MLH3: variants seen among roughly 807,000 people sequenced by gnomAD.
MLH3 encodes the protein mutL homolog 3, also known as DNA mismatch repair protein Mlh3.
MLH3 carries 82 observed loss-of-function variants against 122.2 expected under a neutral mutation model. That is an observed-to-expected ratio of 0.67 (90% CI 0.56 to 0.81). MLH3 has a LOEUF of 0.81. Among genes scored for constraint, MLH3 ranks in the 30% least tolerant of loss-of-function variants. The pLI is 0.00. For synonymous variants in MLH3, 524 were observed against 599.5 expected, an observed-to-expected ratio of 0.87 and a Z score of 1.84; for missense variants, 1,539 against 1,714.5, an observed-to-expected ratio of 0.90 and a Z score of 1.81.
chr14:75,038,030 G>T (rs987471198), intron 6 of MLH3, among the ~76,000 whole-genome samples: 1 of 152,168 alleles, frequency 6.6e-6, no homozygotes, highest in African/African-American at 2.4e-5. Flanking sequence ...CTCCTGAGTA[G>T]CTGGGACTAC....
intron 6 of MLH3, among the ~76,000 whole-genome samples, chr14:75,035,062 C>CAAAAAAAAAAAAAAA (rs36096670): frequency 2.9e-3 from 115 of 40,140 alleles, no homozygotes; most frequent in Non-Finnish European, 3.1e-3. Context: ...GACTCCATCT[C>CAAAAAAAAAAAAAAA]AAAAAAAAAA....
chr14:75,041,764 T>TCCC, intron 3 of MLH3, 64 bp from the exon 4 acceptor site: 2 of 1,205,492 alleles, frequency 1.7e-6, no homozygotes, highest in Non-Finnish European at 2.5e-6. Flanking sequence ...GGAATGGCAT[T>TCCC]TCCTGTTTGG....
At chr14:75,042,799 G>A (rs865852868) in intron 2 of MLH3, among the ~76,000 whole-genome samples, 11 of 150,156 alleles carry the variant, frequency 7.3e-5, no homozygotes, top group Admixed American at 1.3e-4. Flanking sequence ...TTTTTGAGAC[G>A]GCGTCTCGCT....
At chr14:75,041,105 T>TAGTG (rs1891824281) in intron 4 of MLH3, among the ~76,000 whole-genome samples, 1 of 152,188 alleles carries the variant, frequency 6.6e-6, no homozygotes, top group Admixed American at 6.5e-5. Flanking sequence ...GCCCAGGCTA[T>TAGTG]AGTGTGCAGT....
intron 3 of MLH3, 66 bp downstream of exon 3, chr14:75,042,313 G>A (rs1891908827): frequency 1.5e-6 from 2 of 1,370,302 alleles, no homozygotes; most frequent in Admixed American, 1.7e-5. Flanking sequence ...ATGCAAGCCT[G>A]CTTTGTTTTT....
chr14:75,049,299 A>C lies in MLH3; in HGVS notation c.357T>G (p.Thr119=). The C allele has an allele frequency of 6.2e-7, 1 of 1,614,192 alleles. No individual in the cohort carries two copies. Among genetic ancestry groups the C allele is most frequent in the Non-Finnish European group, 8.5e-7 (1 of 1,180,028 alleles). Residue 119 remains threonine, a synonymous_variant, in exon 2 of 13, where the codon ACT becomes ACG. Transcript: ENST00000355774. ...TTCCACTCTGAAACAGTTTCACAAA[A>C]GTTTTCATTGTCCTGTTTTTCTTGG... The part of the protein sequence containing the change: ...ISSKKNRTMK[T]FVKLFQSGKA...
In MLH3 at chr14:75,041,696, A is replaced by G. The variant is rs370951929; in HGVS notation, c.3384T>C (p.Thr1128=). ...ATTCGCTACTAACAGTATCATCCAC[A>G]GTATCTAGGGCAAAAGGGAACAGGT... ...RTVMRQDNRD[T]VDDTVSSESL... The change falls in exon 4 of 13, where the codon ACT becomes ACC. Residue 1128 remains threonine, a synonymous_variant. Transcript: ENST00000355774. 51 of 1,612,548 alleles carry G rather than the reference A, an allele frequency of 3.2e-5. No homozygotes were observed. Among genetic ancestry groups the G allele is most frequent in the Non-Finnish European group, 3.5e-5 (41 of 1,178,620 alleles).
Position 75,030,528 on chromosome 14 carries a change from G to A in MLH3, c.3987+15C>T, listed in dbSNP as rs117251698. ...TCACTCAGCAATTTCCTTAACATCT[G>A]CAGCTGTGTCTTACCTCCACAATAC... On this transcript the variant is annotated intron_variant, in intron 9 of 12. Coordinates refer to ENST00000355774, the MANE Select transcript of MLH3 (RefSeq NM_001040108.2). 11,281 of 1,613,064 alleles carry A rather than the reference G, an allele frequency of 7.0e-3. 61 individuals carry two copies. The highest frequency in any genetic ancestry group is 8.4e-3 in the Non-Finnish European group (9,941 of 1,179,082).
Position 75,049,528 on chromosome 14 carries a change from A to T in MLH3, c.128T>A (p.Val43Asp), listed in dbSNP as rs1346456329. The T allele has an allele frequency of 6.2e-7, 1 of 1,614,192 alleles. No individual in the cohort carries two copies. The change falls in exon 2 of 13, where the codon GTC (valine) becomes GAC (aspartate). Residue 43 changes from valine (V) to aspartate (D), a missense_variant. Val to Asp is a radical substitution (Grantham distance 152, BLOSUM62 -3). Transcript: ENST00000355774. ...TTGGAAGGTTTCCATATTCACCCTG[A>T]CAGCCACACATTTTGCTTCAGCATC... ...SIDAEAKCVA[V>D]RVNMETFQVQ... is the part of the protein sequence containing the mutation.
In MLH3 at chr14:75,039,943, G is replaced by C. The variant is rs761024324; in HGVS notation, c.3538C>G (p.Arg1180Gly). The C allele has an allele frequency of 2.5e-6, 4 of 1,576,054 alleles. No individual in the cohort carries two copies. The African/African-American group carries it at 4.2e-5, about 16-fold the overall frequency. The change falls in exon 5 of 13, where the codon CGT (arginine) becomes GGT (glycine). Residue 1180 changes from arginine (R) to glycine (G), a missense_variant. Coordinates refer to ENST00000355774, the MANE Select transcript of MLH3 (RefSeq NM_001040108.2). ...GAATGAATCATTCCTTTGGTGAAAC[G>C]ATAGGGATACAAGATGTTGTGAATT... The part of the protein sequence containing the change: ...VKIHNILYPY[R>G]FTKGMIHSMQ...
chr14:75,040,874 T>C (rs1387101120), intron 4 of MLH3, among the ~76,000 whole-genome samples: 2 of 152,188 alleles, frequency 1.3e-5, no homozygotes, highest in African/African-American at 4.8e-5. Context: ...TGATTATACA[T>C]GTTTAATCCA....
At chr14:75,020,246 A>G (rs1387911363) in intron 11 of MLH3, among the ~76,000 whole-genome samples, 1 of 152,244 alleles carries the variant, frequency 6.6e-6, no homozygotes, top group Non-Finnish European at 1.5e-5. Flanking sequence ...CAGGGGCCAA[A>G]TCACGAAGAC....
intron 8 of MLH3, among the ~76,000 whole-genome samples, chr14:75,031,324 G>T (rs1891033316): frequency 6.6e-6 from 1 of 152,124 alleles, no homozygotes; most frequent in South Asian, 2.1e-4. Flanking sequence ...TTCCCATTAT[G>T]ATTACGATAA....
Position 75,046,712 on chromosome 14 carries a change from T to C in MLH3, c.2944A>G (p.Lys982Glu). Reference protein sequence around the residue: ...LPYNNSKVTGKDSDVLIRASE... With the variant: ...LPYNNSKVTGEDSDVLIRASE... Reference sequence around the variant, plus strand: ...GCTCTGATAAGAACATCTGAATCTTTACCGGTAACTTTAGAATTATTATAG... The same window carrying C: ...GCTCTGATAAGAACATCTGAATCTTCACCGGTAACTTTAGAATTATTATAG... The change falls in exon 2 of 13, where the codon AAA becomes GAA. Residue 982 changes from lysine to glutamate, a missense_variant. Coordinates refer to ENST00000355774, the MANE Select transcript of MLH3 (RefSeq NM_001040108.2). 1 of 1,614,198 alleles carries C rather than the reference T, an allele frequency of 6.2e-7. No homozygotes were observed. Among genetic ancestry groups the C allele is most frequent in the Non-Finnish European group, 8.5e-7 (1 of 1,180,018 alleles).
intron 4 of MLH3, among the ~76,000 whole-genome samples, chr14:75,041,231 T>A (rs1202075449): frequency 1.3e-5 from 2 of 151,854 alleles, no homozygotes; most frequent in Non-Finnish European, 2.9e-5. Flanking sequence ...ACTGTACCCA[T>A]CTTGAAACTC....
chr14:75,018,442 T>C (rs1365361994), intron 12 of MLH3, among the ~76,000 whole-genome samples: 3 of 152,176 alleles, frequency 2.0e-5, no homozygotes, highest in Admixed American at 2.0e-4. Context: ...GCAGGTACTA[T>C]CAAGAAACTG....
intron 5 of MLH3, 28 bp downstream of exon 5, chr14:75,039,873 ATATATATATT>A (rs1402617162): frequency 8.3e-6 from 3 of 360,040 alleles, no homozygotes; most frequent in Non-Finnish European, 1.5e-5. Flanking sequence ...ATATATATAT[ATATATATATT>A]TATGAGATTT....
chr14:75,023,064 A>C (rs1394870580), intron 9 of MLH3, 46 bp from the exon 10 acceptor site: 1 of 1,608,728 alleles, frequency 6.2e-7, no homozygotes, highest in Admixed American at 1.7e-5. Flanking sequence ...GTTATGTTTT[A>C]CTTGCCCTTT....
At chr14:75,037,924 A>G (rs546359474) in intron 6 of MLH3, among the ~76,000 whole-genome samples, 4 of 152,224 alleles carry the variant, frequency 2.6e-5, no homozygotes, top group Non-Finnish European at 4.4e-5. Flanking sequence ...ATGAACATAA[A>G]ACTAAATGTC....
Sources: gnomAD v4.1 joint callset for allele counts (sites outside exome capture counted in the v4.1 genomes callset) on GRCh38, gnomAD v4.1.1 for gene constraint, MANE v1.5 for transcripts, NCBI Gene and HGNC (gene_info 2026-07-23, HGNC 2026-07-21) for gene names.